Variants in APBA2 observed in about 807,000 individuals in gnomAD.
APBA2 encodes the protein amyloid-beta A4 precursor protein-binding family A member 2.
In APBA2, 30 loss-of-function variants were observed where a neutral mutation model predicts 75.0. The observed-to-expected ratio is 0.40, with a 90% CI of 0.30 to 0.54. The LOEUF (loss-of-function observed/expected upper bound fraction) is 0.54. Among genes scored for constraint, APBA2 ranks in the 20% least tolerant of loss-of-function variants. APBA2 has a pLI of 0.49. For missense variants in APBA2, 801 were observed against 1,016.1 expected (o/e 0.79, Z 2.88); for synonymous variants, 444 against 409.6 (o/e 1.08, Z -1.01).
chr15:28,947,731 G>A (rs558395193), intron 2 of APBA2, among the ~76,000 whole-genome samples: 5 of 152,144 alleles, frequency 3.3e-5, no homozygotes, highest in South Asian at 2.1e-4. Flanking sequence ...TCAGCAAAGC[G>A]CCTCTAGAGA....
At chr15:29,050,594 A>G (rs1450826029) in intron 3 of APBA2, among the ~76,000 whole-genome samples, 2 of 152,220 alleles carry the variant, frequency 1.3e-5, no homozygotes, top group Non-Finnish European at 2.9e-5. Context: ...TTCTCCTACA[A>G]TGTCCTCAGT....
intron 2 of APBA2, among the ~76,000 whole-genome samples, chr15:28,926,959 C>G (rs546082225): frequency 2.5e-4 from 38 of 151,266 alleles, no homozygotes; most frequent in African/African-American, 9.3e-4. Context: ...CGGGTTCATG[C>G]CATTCTCCTG....
At chr15:28,896,172 A>C (rs1356818194) in intron 1 of APBA2, among the ~76,000 whole-genome samples, 1 of 152,152 alleles carries the variant, frequency 6.6e-6, no homozygotes, top group South Asian at 2.1e-4. Context: ...GGGGGTGGAG[A>C]GCACCTCTGT....
intron 13 of APBA2, 111 bp downstream of exon 13, chr15:29,108,500 C>T (rs762702881): frequency 5.1e-6 from 8 of 1,559,914 alleles, no homozygotes; most frequent in Admixed American, 5.1e-5. Context: ...TAGGACCTGG[C>T]CTGTGGTTGC....
intron 2 of APBA2, among the ~76,000 whole-genome samples, chr15:28,988,020 G>A (rs1352445821): frequency 1.3e-5 from 2 of 151,402 alleles, no homozygotes; most frequent in South Asian, 2.1e-4. Flanking sequence ...GCCTCCCAAA[G>A]TGCTGGGATT....
chr15:29,106,938 C>T, intron 12 of APBA2, 119 bp downstream of exon 12: 3 of 905,278 alleles, frequency 3.3e-6, no homozygotes, highest in Non-Finnish European at 3.5e-6. Flanking sequence ...AAACTGAGGC[C>T]CAGGGAGACC....
At chr15:28,947,776 C>T (rs1444120849) in intron 2 of APBA2, among the ~76,000 whole-genome samples, 2 of 152,292 alleles carry the variant, frequency 1.3e-5, no homozygotes, top group Non-Finnish European at 2.9e-5. Flanking sequence ...TGGGAGTGAA[C>T]GATTGACTTT....
intron 3 of APBA2, among the ~76,000 whole-genome samples, chr15:29,022,505 T>C (rs887020281): frequency 4.6e-5 from 7 of 152,118 alleles, no homozygotes; most frequent in African/African-American, 1.7e-4. Context: ...ATAGCGTAAC[T>C]CAGGGATATA....
chr15:29,105,648 C>A, intron 11 of APBA2, 90 bp downstream of exon 11: 1 of 1,424,444 alleles, frequency 7.0e-7, no homozygotes, highest in Non-Finnish European at 9.7e-7. Flanking sequence ...GGGGTCCTCA[C>A]GCACACCCTT....
At chr15:29,061,644 C>T (rs1338252810) in intron 4 of APBA2, among the ~76,000 whole-genome samples, 1 of 152,224 alleles carries the variant, frequency 6.6e-6, no homozygotes, top group East Asian at 1.9e-4. Context: ...TGTAGAGATG[C>T]TTTGGCCGTG....
intron 8 of APBA2, among the ~76,000 whole-genome samples, chr15:29,096,108 G>C (rs537747613): frequency 6.6e-6 from 1 of 152,214 alleles, no homozygotes; most frequent in Non-Finnish European, 1.5e-5. Flanking sequence ...TTTGGAAAGT[G>C]GGATGCTCAG....
intron 3 of APBA2, among the ~76,000 whole-genome samples, chr15:29,051,983 A>G (rs1229026376): frequency 2.0e-5 from 3 of 152,178 alleles, no homozygotes; most frequent in Non-Finnish European, 4.4e-5. Context: ...TAAAAATTGC[A>G]GTAAAATAGA....
intron 2 of APBA2, among the ~76,000 whole-genome samples, chr15:28,942,109 A>G (rs1378029332): frequency 6.6e-6 from 1 of 152,248 alleles, no homozygotes; most frequent in Non-Finnish European, 1.5e-5. Context: ...CTAAAAAAGT[A>G]AAATTATTTT....
At chr15:28,903,399 G>A (rs1466823888) in intron 1 of APBA2, among the ~76,000 whole-genome samples, 1 of 152,216 alleles carries the variant, frequency 6.6e-6, no homozygotes, top group Non-Finnish European at 1.5e-5. Flanking sequence ...TATGGCCATG[G>A]CCTAGCTGAG....
intron 14 of APBA2, among the ~76,000 whole-genome samples, chr15:29,115,887 C>T (rs1220349400): frequency 4.6e-5 from 7 of 152,148 alleles, no homozygotes; most frequent in Non-Finnish European, 4.4e-5. Flanking sequence ...ACCTGCTTGC[C>T]TGAGGAGGGG....
intron 1 of APBA2, among the ~76,000 whole-genome samples, chr15:28,917,158 T>C (rs1382284687): frequency 6.6e-6 from 1 of 152,128 alleles, no homozygotes; most frequent in East Asian, 1.9e-4. Context: ...ACGTTTCCTT[T>C]CCTGTTTCCA....
At chr15:28,891,175 AT>A (rs2032105201) in intron 1 of APBA2, among the ~76,000 whole-genome samples, 1 of 152,204 alleles carries the variant, frequency 6.6e-6, no homozygotes, top group South Asian at 2.1e-4. Flanking sequence ...GTTGAGTTTC[AT>A]CCTTCTTTGT....
intron 3 of APBA2, among the ~76,000 whole-genome samples, chr15:29,030,267 G>A (rs972069048): frequency 2.0e-5 from 3 of 152,084 alleles, no homozygotes; most frequent in Admixed American, 2.0e-4. Flanking sequence ...AGATCATCCT[G>A]GCTAACATGG....
chr15:29,025,660 T>C (rs1327506906), intron 3 of APBA2, among the ~76,000 whole-genome samples: 6 of 152,040 alleles, frequency 3.9e-5, no homozygotes, highest in Admixed American at 2.6e-4. Context: ...ACAGAGATGG[T>C]CCAGTGATGG....
Sources: allele counts gnomAD v4.1 joint callset (sites outside exome capture counted in the v4.1 genomes callset), GRCh38; gene constraint gnomAD v4.1.1; transcripts MANE v1.5; gene names NCBI Gene and HGNC (gene_info 2026-07-23, HGNC 2026-07-21).